FHIT: variants seen among roughly 807,000 people sequenced by gnomAD.
The protein encoded by FHIT is bis(5'-adenosyl)-triphosphatase.
Under a neutral mutation model 17.9 loss-of-function variants are expected in FHIT, and 19 were observed. The ratio of observed to expected loss-of-function variants is 1.06; its 90% confidence interval spans 0.74 to 1.56. The LOEUF (loss-of-function observed/expected upper bound fraction) is 1.56. Ranked by LOEUF, FHIT falls within the 40% of genes most tolerant of loss-of-function variation. The pLI, the probability that FHIT is intolerant of heterozygous loss-of-function variation, is 0.00. For missense variants in FHIT, 248 were observed against 189.2 expected, an observed-to-expected ratio of 1.31 and a Z score of -1.82; for synonymous variants, 81 against 69.7, an observed-to-expected ratio of 1.16 and a Z score of -0.81.
chr3:60,467,213 T>C (rs2032846985), intron 5 of FHIT, among the ~76,000 whole-genome samples: 1 of 150,918 alleles, frequency 6.6e-6, no homozygotes. Context: ...TTGTAATGTC[T>C]CCTTTTTCAT....
Position 60,368,773 on chromosome 3 carries a change from A to C in FHIT, c.103+168087T>G, listed in dbSNP as rs540881839. ...TGAGACTGTAAGATATTTTTTCTCT[A>C]ATTTGTTATAGAACTTCTACAGTTT... is the stretch of plus-strand genomic sequence containing the variant. On this transcript the variant is annotated intron_variant, in intron 5 of 9. Transcript: ENST00000492590. Among the ~76,000 whole-genome samples the C allele has an allele frequency of 6.2e-4, 94 of 152,028 alleles. 1 individual carries two copies. The highest frequency in any genetic ancestry group is 2.1e-3 in the African/African-American group (88 of 41,474).
intron 8 of FHIT, among the ~76,000 whole-genome samples, chr3:59,770,621 G>C (rs748564139): frequency 2.0e-5 from 3 of 152,192 alleles, no homozygotes; most frequent in Non-Finnish European, 4.4e-5. Context: ...CGGGCTTGTA[G>C]TTGCCAGAAC....
intron 3 of FHIT, among the ~76,000 whole-genome samples, chr3:61,009,640 C>A (rs372572356): frequency 2.2e-4 from 33 of 152,252 alleles, no homozygotes; most frequent in African/African-American, 7.9e-4. Flanking sequence ...ATCTCACTAC[C>A]AAGGACTCCT....
chr3:61,068,458 T>C (rs559112432), intron 2 of FHIT, among the ~76,000 whole-genome samples: 1 of 152,330 alleles, frequency 6.6e-6, no homozygotes, highest in African/African-American at 2.4e-5. Context: ...ACCTGCCTCC[T>C]CTATCGCCAT....
At chr3:59,963,475 GGA>G (rs140623097) in intron 7 of FHIT, among the ~76,000 whole-genome samples, 4 of 150,736 alleles carry the variant, frequency 2.7e-5, no homozygotes, top group Admixed American at 6.6e-5. Context: ...AGAAGGAGGA[GGA>G]GAGAGAGAGA....
chr3:60,926,292 C>G lies in FHIT; in HGVS notation c.-110-104281G>C, dbSNP rs1176873418. Among the ~76,000 whole-genome samples the G allele has an allele frequency of 3.9e-5, 6 of 152,280 alleles. No homozygotes were observed. The South Asian group carries it at 6.2e-4, about 16-fold the overall frequency. On this transcript the variant is annotated intron_variant, in intron 3 of 9. Transcript: ENST00000492590. ...CACACCACACCTATTCCAAAATTGA[C>G]TACATAGTTGGAAGTAAAGCACTCC... is the stretch of plus-strand genomic sequence containing the variant.
intron 5 of FHIT, among the ~76,000 whole-genome samples, chr3:60,237,261 C>CTTTT (rs1491397783): frequency 1.6e-5 from 2 of 123,568 alleles, no homozygotes; most frequent in Non-Finnish European, 3.3e-5. Flanking sequence ...TTTGTTTTTC[C>CTTTT]ATTTTTTTTT....
intron 5 of FHIT, among the ~76,000 whole-genome samples, chr3:60,061,692 G>T (rs559905614): frequency 3.2e-4 from 49 of 152,094 alleles, no homozygotes; most frequent in Non-Finnish European, 3.4e-4. Flanking sequence ...AAACAGAGAG[G>T]GTTCTTTGCT....
chr3:60,044,317 T>C (rs1377735365), intron 5 of FHIT, among the ~76,000 whole-genome samples: 1 of 152,176 alleles, frequency 6.6e-6, no homozygotes, highest in Non-Finnish European at 1.5e-5. Flanking sequence ...CCGTTACCCA[T>C]TAGTAATATA....
intron 4 of FHIT, among the ~76,000 whole-genome samples, chr3:60,762,437 G>A (rs1699690555): frequency 6.6e-6 from 1 of 152,174 alleles, no homozygotes; most frequent in Non-Finnish European, 1.5e-5. Context: ...GATGCCCAGG[G>A]ATGGAGTAGT....
intron 4 of FHIT, among the ~76,000 whole-genome samples, chr3:60,802,020 T>C (rs184366803): frequency 6.6e-6 from 1 of 152,314 alleles, no homozygotes; most frequent in East Asian, 1.9e-4. Flanking sequence ...AAACATATAA[T>C]ATCCAACCTT....
chr3:59,877,550 T>C (rs1703219017), intron 8 of FHIT, among the ~76,000 whole-genome samples: 1 of 152,216 alleles, frequency 6.6e-6, no homozygotes, highest in Non-Finnish European at 1.5e-5. Flanking sequence ...ACAAGCCCTA[T>C]GGTTCTTCAG....
Position 60,200,671 on chromosome 3 carries a change from G to GAA in FHIT, c.104-186521_104-186520dup, listed in dbSNP as rs5849342. 1.4e-3 allele frequency among the ~76,000 whole-genome samples: 202 copies of GAA among 146,070 alleles called. 1 individual carries two copies. The highest frequency in any genetic ancestry group is 3.8e-3 in the East Asian group (19 of 4,990). On this transcript the variant is annotated intron_variant, in intron 5 of 9. Transcript: ENST00000492590. Reference sequence around the variant, plus strand: ...CAGAATCCCTTTGTTGCTTTTGGGGGAAAAAAAAAAAAGGCTGTCATTGAA... The same window carrying GAA: ...CAGAATCCCTTTGTTGCTTTTGGGGGAAAAAAAAAAAAAAGGCTGTCATTGAA...
intron 7 of FHIT, among the ~76,000 whole-genome samples, chr3:59,995,400 T>C (rs1699464322): frequency 6.6e-6 from 1 of 152,070 alleles, no homozygotes; most frequent in Admixed American, 6.6e-5. Context: ...AAACTTAGTC[T>C]CTTGAGGAGG....
intron 8 of FHIT, among the ~76,000 whole-genome samples, chr3:59,889,216 C>A (rs944266367): frequency 6.6e-6 from 1 of 152,212 alleles, no homozygotes; most frequent in Admixed American, 6.5e-5. Flanking sequence ...TGCTTGGGCA[C>A]TGACCAATAA....
intron 5 of FHIT, chr3:60,077,435 C>A (rs1703061532): frequency 6.6e-6 from 1 of 151,712 alleles, no homozygotes; most frequent in African/African-American, 2.4e-5. Flanking sequence ...AGGAACCAGA[C>A]CTCCTTGGAG....
intron 7 of FHIT, among the ~76,000 whole-genome samples, chr3:59,965,896 G>C (rs1707904581): frequency 2.0e-5 from 3 of 152,054 alleles, no homozygotes; most frequent in Non-Finnish European, 4.4e-5. Flanking sequence ...AATCAAACTG[G>C]CTGCTAAGAG....
chr3:60,716,618 G>C (rs1209113611), intron 4 of FHIT, among the ~76,000 whole-genome samples: 3 of 152,084 alleles, frequency 2.0e-5, no homozygotes, highest in South Asian at 4.2e-4. Flanking sequence ...ATAGTTAACT[G>C]TTCTTTAATA....
intron 5 of FHIT, among the ~76,000 whole-genome samples, chr3:60,447,887 A>T (rs1254804049): frequency 6.6e-6 from 1 of 152,180 alleles, no homozygotes; most frequent in Non-Finnish European, 1.5e-5. Flanking sequence ...AAATTATTCG[A>T]TTACCATGTG....
Sources: allele counts gnomAD v4.1 joint callset (sites outside exome capture counted in the v4.1 genomes callset), GRCh38; gene constraint gnomAD v4.1.1; transcripts MANE v1.5; gene names NCBI Gene and HGNC (gene_info 2026-07-23, HGNC 2026-07-21).